TRPM4: variants seen among roughly 807,000 people sequenced by gnomAD.
The protein encoded by TRPM4 is transient receptor potential cation channel subfamily M member 4.
A neutral mutation model predicts 135.6 loss-of-function variants in TRPM4; 124 were observed. The observed-to-expected ratio is 0.91, with a 90% CI of 0.79 to 1.06. The LOEUF is 1.06. Ranked by LOEUF, TRPM4 falls within the 50% of genes least tolerant of loss-of-function variation. The pLI, the probability that TRPM4 is intolerant of heterozygous loss-of-function variation, is 0.00. For synonymous variants in TRPM4, 745 were observed against 705.6 expected, an observed-to-expected ratio of 1.06 and a Z score of -0.88; for missense variants, 1,658 against 1,671.4, an observed-to-expected ratio of 0.99 and a Z score of 0.14.
chr19:49,164,177 T>C (rs527403495), intron 2 of TRPM4, among the ~76,000 whole-genome samples: 1 of 152,152 alleles, frequency 6.6e-6, no homozygotes, highest in East Asian at 1.9e-4. Context: ...ACAAAGAATT[T>C]AGATACATTT....
chr19:49,190,664 C>A, intron 15 of TRPM4, 32 bp from the exon 16 acceptor site: 1 of 1,609,028 alleles, frequency 6.2e-7, no homozygotes, highest in Non-Finnish European at 8.5e-7. Flanking sequence ...CTCTTCCCCT[C>A]ATTTCTTGCT....
chr19:49,165,366 C>T (rs375265984), intron 2 of TRPM4, among the ~76,000 whole-genome samples: 2 of 152,096 alleles, frequency 1.3e-5, no homozygotes, highest in South Asian at 2.1e-4. Flanking sequence ...ATTCTAGCAC[C>T]CGGCTGAGCC....
rs553919626 is a variant in TRPM4, at chr19:49,209,961, C to A, written c.3132-248C>A. Among the ~76,000 whole-genome samples, 18 of 152,194 alleles carry A rather than the reference C, an allele frequency of 1.2e-4. No homozygotes were observed. In the South Asian group the frequency reaches 3.7e-3, roughly 32 times the overall value. ...ATGGGGCTTCACCATGTTAGCCAGG[C>A]TGGTCTCGAACTCCTGACCTGAGGT... On this transcript the variant is annotated intron_variant, in intron 20 of 24. Coordinates refer to ENST00000252826, the MANE Select transcript of TRPM4 (RefSeq NM_017636.4).
rs746536357 is a variant in TRPM4, at chr19:49,200,450, C to G, written c.2778+18C>G. On this transcript the variant is annotated intron_variant, in intron 18 of 24. Transcript: ENST00000252826. ...GCAAGATGGTGAGGCAGGGGCGGGG[C>G]CAAAGTGGGCGGGGACATAGGGAAA... The G allele has an allele frequency of 6.8e-6, 11 of 1,609,552 alleles. No individual in the cohort carries two copies. Among genetic ancestry groups the G allele is most frequent in the Non-Finnish European group, 9.3e-6 (11 of 1,177,828 alleles).
chr19:49,172,176 C>T, intron 9 of TRPM4, 68 bp downstream of exon 9: 2 of 1,182,190 alleles, frequency 1.7e-6, no homozygotes, highest in Non-Finnish European at 2.5e-6. Context: ...CTGGCCTGGG[C>T]ACTTCATCCA....
chr19:49,199,677 T>C (rs907571795), intron 17 of TRPM4, among the ~76,000 whole-genome samples: 1 of 152,166 alleles, frequency 6.6e-6, no homozygotes, highest in African/African-American at 2.4e-5. Context: ...TCATATCTTC[T>C]CGAAGTCTGT....
chr19:49,205,526 C>CTTTT (rs576873516), intron 20 of TRPM4, among the ~76,000 whole-genome samples: 13 of 126,984 alleles, frequency 1.0e-4, no homozygotes, highest in East Asian at 2.4e-4. Flanking sequence ...ATGACTTCAA[C>CTTTT]TTTTTTTTTT....
chr19:49,210,820 C>T lies in TRPM4; in HGVS notation c.3439C>T (p.Arg1147Cys), dbSNP rs781722830. 3.1e-6 allele frequency: 5 copies of T among 1,612,416 alleles called. No individual in the cohort carries two copies. In the East Asian group the frequency reaches 6.7e-5, roughly 22 times the overall value. Residue 1147 changes from arginine (R) to cysteine (C), a missense_variant, in exon 22 of 25, where the codon CGT (arginine) becomes TGT (cysteine). Coordinates refer to ENST00000252826, the MANE Select transcript of TRPM4 (RefSeq NM_017636.4). The surrounding 1 kb of genome is among the most constrained non-coding windows in gnomAD (Gnocchi z 4.1). ...GGACAAGCGGGAGAGCGACTCCGAGCGTCTGAAGCGCACGTCCCAGAAGTG... is the reference window on the plus strand; with the variant it reads ...GGACAAGCGGGAGAGCGACTCCGAGTGTCTGAAGCGCACGTCCCAGAAGTG... ...ARDKRESDSE[R>C]LKRTSQKVDL...
rs1289431025 is a variant in TRPM4 at position 49,182,727 on chromosome 19, G to A, written c.1413G>A (p.Ser471=). The A allele has an allele frequency of 1.2e-6, 2 of 1,614,054 alleles. No individual in the cohort carries two copies. Among genetic ancestry groups the A allele is most frequent in the Admixed American group, 3.3e-5 (2 of 60,028 alleles). ...TCTACAGCGCGGCGCCCTCCAACTCGCTCATCCGCAACCTTTTGGACCAGG... is the reference window on the plus strand; with the variant it reads ...TCTACAGCGCGGCGCCCTCCAACTCACTCATCCGCAACCTTTTGGACCAGG... The part of the protein sequence containing the change: ...AQLYSAAPSN[S]LIRNLLDQAS... The change falls in exon 11 of 25, where the codon TCG becomes TCA. Residue 471 remains serine (S), a synonymous_variant. Coordinates refer to ENST00000252826, the MANE Select transcript of TRPM4 (RefSeq NM_017636.4).
intron 12 of TRPM4, among the ~76,000 whole-genome samples, chr19:49,183,856 C>T (rs1256873405): frequency 6.6e-6 from 1 of 150,848 alleles, no homozygotes; most frequent in African/African-American, 2.4e-5. Flanking sequence ...TCACTGCAAG[C>T]TCCACCTTCT....
At chr19:49,205,100 G>A (rs568209782) in intron 20 of TRPM4, among the ~76,000 whole-genome samples, 1 of 150,788 alleles carries the variant, frequency 6.6e-6, no homozygotes, top group South Asian at 2.1e-4. Context: ...GGGATTATAG[G>A]CACAAGCCCC....
chr19:49,183,589 A>G (rs1207048097), intron 12 of TRPM4, among the ~76,000 whole-genome samples: 2 of 150,814 alleles, frequency 1.3e-5, no homozygotes, highest in African/African-American at 2.4e-5. Flanking sequence ...GTTTTGTTTT[A>G]GTAGAGATGG....
intron 20 of TRPM4, among the ~76,000 whole-genome samples, chr19:49,203,324 C>A (rs562887647): frequency 6.6e-6 from 1 of 151,916 alleles, no homozygotes; most frequent in Admixed American, 6.6e-5. Flanking sequence ...GGACTACAGG[C>A]GTGCGCCACC....
At chr19:49,175,259 G>C (rs1372021443) in intron 9 of TRPM4, among the ~76,000 whole-genome samples, 1 of 152,018 alleles carries the variant, frequency 6.6e-6, no homozygotes, top group Non-Finnish European at 1.5e-5. Context: ...AGTTTTAGTA[G>C]AGATGGGGTT....
chr19:49,205,484 T>TA (rs1568493881), intron 20 of TRPM4, among the ~76,000 whole-genome samples: 2 of 151,644 alleles, frequency 1.3e-5, no homozygotes, highest in Non-Finnish European at 2.9e-5. Context: ...ATAAAAAATT[T>TA]AAAAAGGTCT....
intron 20 of TRPM4, among the ~76,000 whole-genome samples, chr19:49,205,983 G>A (rs943812448): frequency 5.3e-5 from 8 of 151,652 alleles, no homozygotes; most frequent in African/African-American, 1.7e-4. Context: ...TTTTTGAGAC[G>A]GAGTCTCGCT....
chr19:49,175,995 C>T (rs1345405777), intron 9 of TRPM4, among the ~76,000 whole-genome samples: 1 of 148,242 alleles, frequency 6.7e-6, no homozygotes. Context: ...GCCATCTCAG[C>T]TCACTGCAAC....
At chr19:49,204,711 T>C (rs1446340051) in intron 20 of TRPM4, among the ~76,000 whole-genome samples, 1 of 151,748 alleles carries the variant, frequency 6.6e-6, no homozygotes, top group African/African-American at 2.4e-5. Flanking sequence ...TTTAATTTTT[T>C]TTTTACTTTT....
chr19:49,177,145 A>G (rs1051280261), intron 9 of TRPM4, among the ~76,000 whole-genome samples: 3 of 152,088 alleles, frequency 2.0e-5, no homozygotes, highest in Non-Finnish European at 4.4e-5. Context: ...TTAACTCAGC[A>G]GCCTCCTGGG....
Sources: gnomAD v4.1 joint callset for allele counts (sites outside exome capture counted in the v4.1 genomes callset) on GRCh38, gnomAD v4.1.1 for gene constraint, Gnocchi (gnomAD v3.1) non-coding constraint, MANE v1.5 for transcripts, NCBI Gene and HGNC (gene_info 2026-07-23, HGNC 2026-07-21) for gene names.